Variants in BTBD9 observed in about 807,000 individuals in gnomAD.
The protein encoded by BTBD9 is BTB domain containing 9, also known as BTB/POZ domain-containing protein 9.
In BTBD9, 49 loss-of-function variants were observed where a neutral mutation model predicts 64.3. The ratio of observed to expected loss-of-function variants is 0.76; its 90% confidence interval spans 0.61 to 0.97. The LOEUF (loss-of-function observed/expected upper bound fraction) is 0.97, where lower values mean the gene tolerates loss of function less well. Ranked by LOEUF, BTBD9 falls within the 50% of genes least tolerant of loss-of-function variation. BTBD9 has a pLI of 0.00. For missense variants in BTBD9, 598 were observed against 762.1 expected (o/e 0.78, Z 2.53); for synonymous variants, 260 against 274.7 (o/e 0.95, Z 0.53).
At chr6:38,297,322 C>T (rs547909070) in intron 7 of BTBD9, among the ~76,000 whole-genome samples, 5 of 152,062 alleles carry the variant, frequency 3.3e-5, no homozygotes, top group East Asian at 1.9e-4. Context: ...GCTGAGATTG[C>T]GCCATTGCAC....
Position 38,285,809 on chromosome 6 carries a change from G to A in BTBD9, c.1454+2463C>T, listed in dbSNP as rs1017686851. ...ATTGCAGATGTAATCTCAGAGACAC[G>A]ATTGGTAATCTTCAAGAAATTGTGG... On this transcript the variant is annotated intron_variant, in intron 8 of 10. Transcript: ENST00000481247. Among the ~76,000 whole-genome samples, 6 of 152,120 alleles carry A rather than the reference G, an allele frequency of 3.9e-5. No individual in the cohort carries two copies. In the South Asian group the frequency reaches 6.2e-4, roughly 16 times the overall value.
chr6:38,587,665 T>C (rs969422939), intron 4 of BTBD9: 3 of 611,390 alleles, frequency 4.9e-6, no homozygotes, highest in Non-Finnish European at 9.3e-6. Flanking sequence ...GACAGAACTT[T>C]GAAATAAAGT....
intron 1 of BTBD9, among the ~76,000 whole-genome samples, chr6:38,621,966 G>A (rs1777996064): frequency 6.6e-6 from 1 of 152,172 alleles, no homozygotes; most frequent in Non-Finnish European, 1.5e-5. Flanking sequence ...ACTTTCACAG[G>A]GGCATAGTTT....
intron 6 of BTBD9, among the ~76,000 whole-genome samples, chr6:38,528,924 TTGTC>T (rs150986707): frequency 8.5e-5 from 13 of 152,226 alleles, no homozygotes; most frequent in African/African-American, 3.1e-4. Context: ...AAATGGGACA[TTGTC>T]TTGCAGCTTG....
At chr6:38,624,777 C>A (rs1002732334) in intron 1 of BTBD9, among the ~76,000 whole-genome samples, 6 of 151,792 alleles carry the variant, frequency 4.0e-5, no homozygotes, top group Non-Finnish European at 1.5e-5. Context: ...CAAAGATACT[C>A]CTATAAATTT....
intron 9 of BTBD9, among the ~76,000 whole-genome samples, chr6:38,245,769 G>C (rs1394956317): frequency 6.6e-6 from 1 of 152,154 alleles, no homozygotes; most frequent in Non-Finnish European, 1.5e-5. Flanking sequence ...TGAACTAAAT[G>C]TGATCTTGAT....
chr6:38,488,599 A>G lies in BTBD9; in HGVS notation c.1154+89001T>C, dbSNP rs914419711. 2.6e-5 allele frequency among the ~76,000 whole-genome samples: 4 copies of G among 152,270 alleles called. No homozygotes were observed. The South Asian group carries it at 8.3e-4, about 32-fold the overall frequency. ...ATGAGGCCTTTACCTTATTACAGAG[A>G]CATGCTCTGCAAACCAAGGTGTGGT... is the stretch of plus-strand genomic sequence containing the variant. On this transcript the variant is annotated intron_variant, in intron 6 of 10. Transcript: ENST00000481247.
chr6:38,529,869 C>T (rs1011307851), intron 6 of BTBD9, among the ~76,000 whole-genome samples: 10 of 152,140 alleles, frequency 6.6e-5, no homozygotes, highest in African/African-American at 2.2e-4. Flanking sequence ...AGAATAACAG[C>T]GATTTTTAGG....
intron 6 of BTBD9, among the ~76,000 whole-genome samples, chr6:38,547,999 A>G (rs1334381310): frequency 6.6e-6 from 1 of 152,124 alleles, no homozygotes; most frequent in African/African-American, 2.4e-5. Context: ...CTAAGGAGTT[A>G]AAAAGAAAAA....
intron 4 of BTBD9, among the ~76,000 whole-genome samples, chr6:38,589,538 A>AG (rs1776700801): frequency 6.6e-6 from 1 of 152,178 alleles, no homozygotes; most frequent in Non-Finnish European, 1.5e-5. Context: ...ACTTTATCCA[A>AG]GGCTGACACT....
intron 6 of BTBD9, among the ~76,000 whole-genome samples, chr6:38,472,505 C>T (rs767423771): frequency 5.9e-5 from 9 of 152,018 alleles, no homozygotes; most frequent in African/African-American, 1.7e-4. Flanking sequence ...AGCAGCAAGA[C>T]GATTCCTTGG....
chr6:38,324,298 T>G (rs939440250), intron 7 of BTBD9, among the ~76,000 whole-genome samples: 1 of 152,132 alleles, frequency 6.6e-6, no homozygotes, highest in African/African-American at 2.4e-5. Flanking sequence ...AGGAAACAGA[T>G]GCAAAAATTC....
At chr6:38,293,682 G>A (rs1423154714) in intron 7 of BTBD9, among the ~76,000 whole-genome samples, 2 of 152,180 alleles carry the variant, frequency 1.3e-5, no homozygotes, top group Non-Finnish European at 2.9e-5. Context: ...ATGGATTAAA[G>A]TCTTAAATAT....
chr6:38,412,815 G>C (rs1004089179), intron 6 of BTBD9, among the ~76,000 whole-genome samples: 4 of 151,728 alleles, frequency 2.6e-5, no homozygotes, highest in Non-Finnish European at 5.9e-5. Flanking sequence ...GCCGAGATCA[G>C]ACCACTGCAC....
chr6:38,474,003 A>C (rs759849154), intron 6 of BTBD9, among the ~76,000 whole-genome samples: 1 of 152,178 alleles, frequency 6.6e-6, no homozygotes, highest in Non-Finnish European at 1.5e-5. Context: ...AAATGCACAA[A>C]AGGCCAATAA....
intron 6 of BTBD9, among the ~76,000 whole-genome samples, chr6:38,363,065 T>C (rs1765035470): frequency 6.6e-6 from 1 of 152,192 alleles, no homozygotes; most frequent in African/African-American, 2.4e-5. Context: ...ATGGAATTCA[T>C]CAGCATCAAC....
At chr6:38,365,824 A>G (rs938611430) in intron 6 of BTBD9, among the ~76,000 whole-genome samples, 1 of 152,104 alleles carries the variant, frequency 6.6e-6, no homozygotes, top group Non-Finnish European at 1.5e-5. Flanking sequence ...GATAAGTAAC[A>G]TTTCTGCATG....
intron 6 of BTBD9, among the ~76,000 whole-genome samples, chr6:38,421,059 TA>T (rs1165816152): frequency 6.6e-6 from 1 of 152,118 alleles, no homozygotes; most frequent in East Asian, 1.9e-4. Flanking sequence ...GGGTATTTAA[TA>T]ATAAAAATGT....
At position 38,339,694 on chromosome 6, in the gene BTBD9, T is replaced by C. The variant is rs143925904; in HGVS notation, c.1264+5290A>G. Among the ~76,000 whole-genome samples, 340 of 152,276 alleles carry C rather than the reference T, an allele frequency of 2.2e-3. 3 individuals are homozygous for C. The highest frequency in any genetic ancestry group is 7.6e-3 in the African/African-American group (314 of 41,568). Reference sequence around the variant, plus strand: ...CTTACAGAGGTAGAGAGGGCAGGAATAGAAGCTTCATTTCTCTGAATATAG... The same window carrying C: ...CTTACAGAGGTAGAGAGGGCAGGAACAGAAGCTTCATTTCTCTGAATATAG... On this transcript the variant is annotated intron_variant, in intron 7 of 10. Transcript: ENST00000481247.
Sources: gnomAD v4.1 joint callset for allele counts (sites outside exome capture counted in the v4.1 genomes callset) on GRCh38, gnomAD v4.1.1 for gene constraint, MANE v1.5 for transcripts, NCBI Gene and HGNC (gene_info 2026-07-23, HGNC 2026-07-21) for gene names.